The following TMEM117 variants were observed in gnomAD, a reference collection of about 807,000 sequenced individuals.
The protein encoded by TMEM117 is transmembrane protein 117.
TMEM117 carries 27 observed loss-of-function variants against 52.4 expected under a neutral mutation model. That is an observed-to-expected ratio of 0.51 (90% CI 0.38 to 0.71). TMEM117 has a LOEUF of 0.71. TMEM117 is among the 30% of genes least tolerant of loss of function. The pLI, the probability that TMEM117 is intolerant of heterozygous loss-of-function variation, is 0.00. For synonymous variants in TMEM117, 215 were observed against 206.3 expected, an observed-to-expected ratio of 1.04 and a Z score of -0.36; for missense variants, 556 against 630.5, an observed-to-expected ratio of 0.88 and a Z score of 1.26.
At chr12:43,866,094 A>C (rs889484727) in intron 2 of TMEM117, among the ~76,000 whole-genome samples, 1 of 151,828 alleles carries the variant, frequency 6.6e-6, no homozygotes, top group African/African-American at 2.4e-5. Flanking sequence ...GGAGATAGAA[A>C]ACCACCAACA....
At chr12:44,351,342 G>A (rs1951559453) in intron 6 of TMEM117, among the ~76,000 whole-genome samples, 1 of 151,836 alleles carries the variant, frequency 6.6e-6, no homozygotes, top group Admixed American at 6.6e-5. Flanking sequence ...CCTTTGCTGT[G>A]CAGAAGCTTT....
At chr12:43,799,511 A>C in the TMEM117 span, 1 of 1,503,608 alleles carries the variant, frequency 6.7e-7, no homozygotes, top group Non-Finnish European at 9.2e-7. Context: ...TCCTGTAAGT[A>C]CAGAATAGAC....
chr12:44,281,302 G>A (rs1240460981), intron 5 of TMEM117, among the ~76,000 whole-genome samples: 1 of 151,542 alleles, frequency 6.6e-6, no homozygotes, highest in Admixed American at 6.6e-5. Context: ...TATAATATCT[G>A]CCTTCCTAGC....
At chr12:44,136,742 G>A (rs773786467) in intron 3 of TMEM117, among the ~76,000 whole-genome samples, 26 of 152,110 alleles carry the variant, frequency 1.7e-4, no homozygotes, top group East Asian at 9.6e-4. Flanking sequence ...ACTGACGTTC[G>A]AAGTAAGTAA....
chr12:43,969,622 T>C (rs752130107), intron 3 of TMEM117, among the ~76,000 whole-genome samples: 10 of 152,200 alleles, frequency 6.6e-5, no homozygotes, highest in Non-Finnish European at 1.3e-4. Context: ...TTCTGTCATC[T>C]GGCAACTTGC....
intron 2 of TMEM117, among the ~76,000 whole-genome samples, chr12:43,922,627 A>T (rs1473741723): frequency 6.6e-6 from 1 of 152,184 alleles, no homozygotes; most frequent in Non-Finnish European, 1.5e-5. Context: ...AACATGTTAT[A>T]GTTTGCTAAC....
chr12:44,195,361 A>G (rs1376133958), intron 4 of TMEM117, among the ~76,000 whole-genome samples: 2 of 152,150 alleles, frequency 1.3e-5, no homozygotes, highest in Non-Finnish European at 2.9e-5. Context: ...TCTAGCTTCC[A>G]ATATCGCTGA....
intron 3 of TMEM117, among the ~76,000 whole-genome samples, chr12:44,070,594 G>C (rs1033144436): frequency 6.6e-5 from 10 of 152,100 alleles, no homozygotes; most frequent in Non-Finnish European, 1.3e-4. Context: ...TGATCCTCTG[G>C]GGGAGAGCAA....
At chr12:44,004,415 G>A (rs1479126117) in intron 3 of TMEM117, among the ~76,000 whole-genome samples, 3 of 152,126 alleles carry the variant, frequency 2.0e-5, no homozygotes, top group Non-Finnish European at 4.4e-5. Flanking sequence ...ATGATGGTAT[G>A]CTAGCATCTA....
intron 3 of TMEM117, among the ~76,000 whole-genome samples, chr12:44,064,063 A>C (rs1198358534): frequency 6.6e-6 from 1 of 152,148 alleles, no homozygotes; most frequent in African/African-American, 2.4e-5. Flanking sequence ...GGGATTACTG[A>C]GAACCAATTC....
intron 3 of TMEM117, among the ~76,000 whole-genome samples, chr12:43,992,955 G>A (rs1401825226): frequency 6.6e-6 from 1 of 152,142 alleles, no homozygotes; most frequent in East Asian, 1.9e-4. Context: ...TTGGCACAAG[G>A]AAGATACTCA....
the TMEM117 span, among the ~76,000 whole-genome samples, chr12:43,812,560 A>G: frequency 1.3e-5 from 2 of 152,282 alleles, no homozygotes; most frequent in South Asian, 2.1e-4. Context: ...GTGCTGTTCA[A>G]TTATCAGGTT....
Position 44,078,583 on chromosome 12 carries a change from T to C in TMEM117, c.411-64942T>C, listed in dbSNP as rs1688727. On this transcript the variant is annotated intron_variant, in intron 3 of 7. Transcript: ENST00000266534. Reference sequence around the variant, plus strand: ...GTGCTCAACTTTCAGTATATTCTGTTTTTACATGTTTACATTTCAATTTTT... The same window carrying C: ...GTGCTCAACTTTCAGTATATTCTGTCTTTACATGTTTACATTTCAATTTTT... 8.1e-3 allele frequency among the ~76,000 whole-genome samples: 1,241 copies of C among 152,336 alleles called. 18 individuals are homozygous for C. The highest frequency in any genetic ancestry group is 0.029 in the African/African-American group (1,209 of 41,576).
At chr12:44,201,951 A>G (rs1949501056) in intron 4 of TMEM117, among the ~76,000 whole-genome samples, 1 of 152,062 alleles carries the variant, frequency 6.6e-6, no homozygotes, top group Non-Finnish European at 1.5e-5. Context: ...AGAAGATATC[A>G]TGTGGTATCT....
At chr12:44,175,573 C>G (rs572098255) in intron 4 of TMEM117, among the ~76,000 whole-genome samples, 1 of 152,096 alleles carries the variant, frequency 6.6e-6, no homozygotes, top group Non-Finnish European at 1.5e-5. Flanking sequence ...GTCTTTTGCC[C>G]ACAGATGATT....
In TMEM117 at chr12:43,962,695, C is replaced by A. The variant is rs182755712; in HGVS notation, c.410+18353C>A. On this transcript the variant is annotated intron_variant, in intron 3 of 7. Coordinates refer to ENST00000266534, the MANE Select transcript of TMEM117 (RefSeq NM_032256.3). ...CAGCACTTTGGGAGGCCGAGGTGGG[C>A]GGATCACGAGGTCAGGAGATAGAGA... Among the ~76,000 whole-genome samples, 743 of 152,110 alleles carry A rather than the reference C, an allele frequency of 4.9e-3. 5 individuals are homozygous for A. Among genetic ancestry groups the A allele is most frequent in the African/African-American group, 0.017 (716 of 41,518 alleles).
intron 3 of TMEM117, among the ~76,000 whole-genome samples, chr12:43,991,163 G>T (rs563341017): frequency 2.6e-5 from 4 of 152,198 alleles, no homozygotes; most frequent in Admixed American, 6.5e-5. Context: ...TCTTACTGGT[G>T]GAGAACCTTG....
At chr12:44,218,365 A>C (rs753803095) in intron 5 of TMEM117, among the ~76,000 whole-genome samples, 25 of 152,238 alleles carry the variant, frequency 1.6e-4, no homozygotes, top group Non-Finnish European at 3.2e-4. Context: ...ATACCACATT[A>C]GAGTAACAGA....
intron 3 of TMEM117, among the ~76,000 whole-genome samples, chr12:44,072,753 G>T (rs1178931431): frequency 2.0e-5 from 3 of 152,104 alleles, no homozygotes; most frequent in African/African-American, 7.2e-5. Context: ...ATGTGTCAAG[G>T]ACCAATCAGG....
Sources: allele counts gnomAD v4.1 joint callset (sites outside exome capture counted in the v4.1 genomes callset), GRCh38; gene constraint gnomAD v4.1.1; transcripts MANE v1.5; gene names NCBI Gene and HGNC (gene_info 2026-07-23, HGNC 2026-07-21).